The following LRBA variants were observed in gnomAD, a reference collection of about 807,000 sequenced individuals.
The protein encoded by LRBA is lipopolysaccharide-responsive and beige-like anchor protein.
A neutral mutation model predicts 330.0 loss-of-function variants in LRBA; 176 were observed. That is an observed-to-expected ratio of 0.53 (90% CI 0.47 to 0.60). The LOEUF (loss-of-function observed/expected upper bound fraction) is 0.60. Among genes scored for constraint, LRBA ranks in the 20% least tolerant of loss-of-function variants. LRBA has a pLI of 0.00. For synonymous variants in LRBA, 1,230 were observed against 1,193.0 expected (o/e 1.03, Z -0.64); for missense variants, 3,259 against 3,444.8 (o/e 0.95, Z 1.35).
At chr4:150,813,645 A>C (rs981338259) in intron 31 of LRBA, among the ~76,000 whole-genome samples, 1 of 152,136 alleles carries the variant, frequency 6.6e-6, no homozygotes, top group African/African-American at 2.4e-5. Context: ...ATTATTATCT[A>C]TCTAGTACTA....
At chr4:150,719,562 C>T (rs575747515) in intron 36 of LRBA, among the ~76,000 whole-genome samples, 1 of 151,964 alleles carries the variant, frequency 6.6e-6, no homozygotes, top group South Asian at 2.1e-4. Flanking sequence ...AATCACCAAA[C>T]ATTAAAAAAT....
intron 2 of LRBA, among the ~76,000 whole-genome samples, chr4:150,961,510 G>T (rs1016613450): frequency 2.0e-5 from 3 of 149,210 alleles, no homozygotes; most frequent in African/African-American, 7.8e-5. Flanking sequence ...TTTAACAGCT[G>T]CAGAAAATGA....
chr4:150,949,380 A>T (rs141057484), intron 2 of LRBA, among the ~76,000 whole-genome samples: 9 of 152,190 alleles, frequency 5.9e-5, no homozygotes, highest in Middle Eastern at 3.4e-3. Flanking sequence ...AAAAATATAG[A>T]AATTGAGAAC....
chr4:150,443,734 T>G (rs1019830849), intron 44 of LRBA, among the ~76,000 whole-genome samples: 12 of 151,634 alleles, frequency 7.9e-5, no homozygotes, highest in Non-Finnish European at 1.5e-4. Context: ...CATTAGAAGA[T>G]ATACTTAATG....
intron 56 of LRBA, among the ~76,000 whole-genome samples, chr4:150,277,082 T>G (rs1206274469): frequency 6.6e-6 from 1 of 152,196 alleles, no homozygotes; most frequent in Non-Finnish European, 1.5e-5. Flanking sequence ...CGCCATGGAA[T>G]ACTATGCAGC....
intron 47 of LRBA, among the ~76,000 whole-genome samples, chr4:150,378,038 T>G (rs2151882012): frequency 6.6e-6 from 1 of 152,044 alleles, no homozygotes; most frequent in South Asian, 2.1e-4. Flanking sequence ...CTATATTTGG[T>G]CACTTGATAA....
At chr4:150,551,260 C>T (rs1191362238) in intron 40 of LRBA, among the ~76,000 whole-genome samples, 1 of 152,168 alleles carries the variant, frequency 6.6e-6, no homozygotes, top group African/African-American at 2.4e-5. Context: ...TTATAAATTA[C>T]TAGTCTCTGG....
At chr4:150,871,547 C>A (rs1220961707) in intron 18 of LRBA, 94 bp from the exon 19 acceptor site, 1 of 724,092 alleles carries the variant, frequency 1.4e-6, no homozygotes, top group East Asian at 2.6e-5. Context: ...AATACTTTTT[C>A]ACATTACAAA....
chr4:150,901,247 CGA>C (rs1388177069), intron 13 of LRBA, among the ~76,000 whole-genome samples: 5 of 151,890 alleles, frequency 3.3e-5, no homozygotes, highest in Admixed American at 3.3e-4. Context: ...TGCAGTAAGC[CGA>C]GAGAGCACCA....
intron 52 of LRBA, among the ~76,000 whole-genome samples, chr4:150,305,492 T>C (rs1374268690): frequency 6.6e-6 from 1 of 152,190 alleles, no homozygotes; most frequent in Non-Finnish European, 1.5e-5. Flanking sequence ...CTGTATACAG[T>C]GGTGAACAAA....
At chr4:150,917,543 A>G (rs1238183038) in intron 5 of LRBA, among the ~76,000 whole-genome samples, 1 of 152,240 alleles carries the variant, frequency 6.6e-6, no homozygotes, top group African/African-American at 2.4e-5. Flanking sequence ...TCAGAAGTCA[A>G]TATACAAATG....
At chr4:150,804,768 T>C (rs911336679) in intron 33 of LRBA, among the ~76,000 whole-genome samples, 7 of 152,010 alleles carry the variant, frequency 4.6e-5, no homozygotes, top group African/African-American at 7.2e-5. Flanking sequence ...AATGCAAAAA[T>C]TAATTCTATA....
intron 28 of LRBA, among the ~76,000 whole-genome samples, chr4:150,842,279 ATCATCTATTCTAG>A (rs1188621096): frequency 2.0e-5 from 3 of 152,166 alleles, no homozygotes; most frequent in African/African-American, 7.2e-5. Flanking sequence ...AAAGAGTAAC[ATCATCTATTCTAG>A]TTTATTTGTT....
At chr4:150,413,761 T>C (rs1049329868) in intron 47 of LRBA, among the ~76,000 whole-genome samples, 2 of 152,162 alleles carry the variant, frequency 1.3e-5, no homozygotes, top group Non-Finnish European at 2.9e-5. Context: ...AAGTTGAATT[T>C]TATTATATAT....
chr4:151,008,988 A>AAAAAAAAAAATATATATAT (rs1554018903), intron 2 of LRBA, among the ~76,000 whole-genome samples: 1 of 5,532 alleles, frequency 1.8e-4, no homozygotes, highest in African/African-American at 4.7e-4. Context: ...AAAAAAAAAA[A>AAAAAAAAAAATATATATAT]ATATATATAT....
At chr4:150,877,121 G>A (rs1056317401) in intron 17 of LRBA, among the ~76,000 whole-genome samples, 2 of 152,026 alleles carry the variant, frequency 1.3e-5, no homozygotes, top group Non-Finnish European at 2.9e-5. Flanking sequence ...AGCCAACCAT[G>A]GTGGCGGGCG....
intron 47 of LRBA, among the ~76,000 whole-genome samples, chr4:150,378,715 T>A (rs1581155765): frequency 6.6e-6 from 1 of 152,126 alleles, no homozygotes; most frequent in Non-Finnish European, 1.5e-5. Context: ...AAAGGTAAGT[T>A]AAACATACAG....
chr4:150,798,197 G>C (rs1240110159), intron 33 of LRBA, 55 bp from the exon 34 acceptor site: 1 of 1,129,930 alleles, frequency 8.9e-7, no homozygotes, highest in African/African-American at 1.5e-5. Context: ...ATGAGGATTT[G>C]TTACAATTTC....
At chr4:150,437,484 C>A (rs61520262) in intron 44 of LRBA, among the ~76,000 whole-genome samples, 2 of 147,816 alleles carry the variant, frequency 1.4e-5, no homozygotes, top group African/African-American at 2.5e-5. Context: ...AAAAATATGC[C>A]GGCATGAACT....
Sources: allele counts gnomAD v4.1 joint callset (sites outside exome capture counted in the v4.1 genomes callset), GRCh38; gene constraint gnomAD v4.1.1; transcripts MANE v1.5; gene names NCBI Gene and HGNC (gene_info 2026-07-23, HGNC 2026-07-21).